The following CUBN variants were observed in gnomAD, a reference collection of about 807,000 sequenced individuals.
CUBN encodes the protein 460 kDa receptor.
A neutral mutation model predicts 405.3 loss-of-function variants in CUBN; 282 were observed. The ratio of observed to expected loss-of-function variants is 0.70; its 90% CI spans 0.63 to 0.77. The LOEUF (loss-of-function observed/expected upper bound fraction) is 0.77, where lower values mean the gene tolerates loss of function less well. CUBN is among the 30% of genes least tolerant of loss of function. CUBN has a pLI of 0.00. For missense variants in CUBN, 4,514 were observed against 4,475.2 expected (o/e 1.01, Z -0.25); for synonymous variants, 1,684 against 1,617.0 (o/e 1.04, Z -0.99).
intron 27 of CUBN, among the ~76,000 whole-genome samples, chr10:17,035,120 G>T (rs1834867869): frequency 6.6e-6 from 1 of 150,562 alleles, no homozygotes; most frequent in African/African-American, 2.4e-5. Flanking sequence ...ATTGAAAAAG[G>T]AAAGAACATT....
chr10:16,920,073 G>T lies in CUBN; in HGVS notation c.6711C>A (p.His2237Gln). 1 of 1,614,054 alleles carries T rather than the reference G, an allele frequency of 6.2e-7. No individual in the cohort carries two copies. ...CAGCGTGCGGGGGATAATTATGAGGGTGGTTGGGGGAGGTCACATACCCAG... is the reference window on the plus strand; with the variant it reads ...CAGCGTGCGGGGGATAATTATGAGGTTGGTTGGGGGAGGTCACATACCCAG... The part of the protein sequence containing the change: ...DSAGYVTSPN[H>Q]PHNYPPHADC... The change falls in exon 44 of 67, where the codon CAC becomes CAA. Residue 2237 changes from histidine (H) to glutamine (Q), a missense_variant. This residue lies in a region of CUBN where 1,613 missense variants were observed against 1,542.8 expected (regional missense o/e 1.05). Coordinates refer to ENST00000377833, the MANE Select transcript of CUBN (RefSeq NM_001081.4).
At chr10:17,083,245 C>G (rs551612989) in intron 17 of CUBN, among the ~76,000 whole-genome samples, 1 of 152,174 alleles carries the variant, frequency 6.6e-6, no homozygotes, top group African/African-American at 2.4e-5. Flanking sequence ...GTAGCTCATG[C>G]CTGTAATCCC....
At chr10:17,081,445 T>C (rs1462156203) in intron 17 of CUBN, among the ~76,000 whole-genome samples, 1 of 152,208 alleles carries the variant, frequency 6.6e-6, no homozygotes, top group African/African-American at 2.4e-5. Context: ...TCAACCCCCC[T>C]CTAAACCACC....
intron 45 of CUBN, among the ~76,000 whole-genome samples, chr10:16,917,661 A>G (rs936593885): frequency 6.6e-6 from 1 of 152,196 alleles, no homozygotes; most frequent in African/African-American, 2.4e-5. Flanking sequence ...TTTCTTCACA[A>G]ATAAGTTAGA....
chr10:16,997,834 T>C (rs1833778004), intron 28 of CUBN, among the ~76,000 whole-genome samples: 1 of 152,178 alleles, frequency 6.6e-6, no homozygotes, highest in Non-Finnish European at 1.5e-5. Flanking sequence ...TGTGGCCAAG[T>C]GATAGGCATC....
Position 17,084,452 on chromosome 10 carries a change from C to G in CUBN, c.2120G>C (p.Arg707Pro), listed in dbSNP as rs763524933. The G allele has an allele frequency of 6.2e-7, 1 of 1,613,190 alleles. No homozygotes were observed. The highest frequency in any genetic ancestry group is 8.5e-7 in the Non-Finnish European group (1 of 1,179,798). The change falls in exon 17 of 67, where the codon CGT becomes CCT. Residue 707 changes from arginine to proline, a missense_variant. Physicochemically the swap from Arg to Pro is moderately radical, Grantham distance 103. Around this residue, in one of 5 missense-constraint regions of CUBN, gnomAD observed 1,448 missense variants for 1,388.0 expected, o/e 1.04. Transcript: ENST00000377833. ...TGGGTCCGTGTAGTTCCCACCACAA[C>G]GCAGATCCGCTAAGAACAGGGAAGA... ...ITYLTSPSDL[R>P]CGGNYTDPEG...
chr10:16,873,146 T>C (rs770584817), intron 58 of CUBN, among the ~76,000 whole-genome samples: 4 of 152,190 alleles, frequency 2.6e-5, no homozygotes, highest in African/African-American at 7.2e-5. Flanking sequence ...TCTTAGCCCA[T>C]CAGGCTTCTG....
At chr10:17,113,895 A>T (rs746108271) in intron 8 of CUBN, 132 bp downstream of exon 8, 2 of 888,102 alleles carry the variant, frequency 2.3e-6, no homozygotes, top group Non-Finnish European at 3.7e-6. Context: ...CGTCGAGCAG[A>T]ACCAGGACAC....
chr10:17,124,116 G>T (rs953046574), intron 4 of CUBN, among the ~76,000 whole-genome samples: 2 of 152,150 alleles, frequency 1.3e-5, no homozygotes, highest in Admixed American at 6.5e-5. Flanking sequence ...TTGGTCCCTC[G>T]AGGTGAGCCT....
At chr10:16,854,938 CT>C (rs1267893694) in intron 59 of CUBN, among the ~76,000 whole-genome samples, 1 of 150,340 alleles carries the variant, frequency 6.7e-6, no homozygotes. Context: ...TCCTTCCTCC[CT>C]CCCTCCCTCC....
rs773298024 is a variant in CUBN at position 16,869,645 on chromosome 10, G to A, written c.9445C>T (p.Gln3149Ter). The change falls in exon 59 of 67, where the codon CAG becomes TAG. Residue 3149 changes from glutamine (Q) to a stop codon, truncating the protein, a stop_gained. Coordinates refer to ENST00000377833, the MANE Select transcript of CUBN (RefSeq NM_001081.4). LOFTEE classifies it high-confidence loss of function. ...TAKGWKMSFR[Q>*]TLGPQQGCGG... ...AGTCCAGAATTCTTACCCAATGTCT[G>A]CCGGAAAGACATCTTCCAGCCTTTT... 1.9e-5 allele frequency: 30 copies of A among 1,611,962 alleles called. No homozygotes were observed. Among genetic ancestry groups the A allele is most frequent in the Non-Finnish European group, 2.4e-5 (28 of 1,178,372 alleles).
At chr10:16,892,060 T>C (rs955194087) in intron 54 of CUBN, among the ~76,000 whole-genome samples, 2 of 152,158 alleles carry the variant, frequency 1.3e-5, no homozygotes, top group African/African-American at 4.8e-5. Context: ...CCCACAGCAA[T>C]AAAACATCAA....
intron 45 of CUBN, among the ~76,000 whole-genome samples, chr10:16,916,384 C>G (rs988165314): frequency 1.3e-5 from 2 of 152,202 alleles, no homozygotes; most frequent in Non-Finnish European, 2.9e-5. Context: ...ATAGGCTGAT[C>G]TGGCCTGCCT....
chr10:17,081,448 A>T (rs1835965484), intron 17 of CUBN, among the ~76,000 whole-genome samples: 1 of 152,122 alleles, frequency 6.6e-6, no homozygotes, highest in Non-Finnish European at 1.5e-5. Context: ...ACCCCCCTCT[A>T]AACCACCAAA....
intron 6 of CUBN, among the ~76,000 whole-genome samples, chr10:17,118,510 C>T (rs1267106932): frequency 3.3e-5 from 5 of 152,070 alleles, no homozygotes; most frequent in African/African-American, 9.7e-5. Context: ...GATCTCGGCT[C>T]ACTGCAACAT....
At chr10:16,975,400 T>C (rs1833061057) in intron 31 of CUBN, among the ~76,000 whole-genome samples, 1 of 152,194 alleles carries the variant, frequency 6.6e-6, no homozygotes, top group African/African-American at 2.4e-5. Context: ...AAAACCCTCC[T>C]CATGACCACA....
chr10:16,928,077 T>C, intron 41 of CUBN, 80 bp downstream of exon 41: 1 of 1,502,318 alleles, frequency 6.7e-7, no homozygotes, highest in South Asian at 1.1e-5. Flanking sequence ...CCCAAAAACA[T>C]TATATTAGGA....
Position 16,940,217 on chromosome 10 carries a change from G to T in CUBN, c.5363C>A (p.Ser1788Tyr). The change falls in exon 37 of 67, where the codon TCT becomes TAT. Residue 1788 changes from serine to tyrosine, a missense_variant. Physicochemically the swap from Ser to Tyr is moderately radical, Grantham distance 144 (BLOSUM62 -2). Transcript: ENST00000377833. ...LSFISFQLED[S>Y]QDCSRDFVEI... ...CACAAAATCTCTGCTGCAGTCCTGAGAGTCTTCCAACTGGAAAGATCTGAT... is the reference window on the plus strand; with the variant it reads ...CACAAAATCTCTGCTGCAGTCCTGATAGTCTTCCAACTGGAAAGATCTGAT... The T allele has an allele frequency of 1.2e-6, 2 of 1,614,068 alleles. No individual in the cohort carries two copies. The highest frequency in any genetic ancestry group is 1.3e-5 in the African/African-American group (1 of 75,042).
chr10:16,938,997 T>G lies in CUBN; in HGVS notation c.5699A>C (p.Glu1900Ala), dbSNP rs773915964. 1.2e-5 allele frequency: 19 copies of G among 1,613,800 alleles called. No homozygotes were observed. Among genetic ancestry groups the G allele is most frequent in the Non-Finnish European group, 1.5e-5 (18 of 1,179,870 alleles). The part of the protein sequence containing the change: ...VHGRILEMDI[E>A]EIQNCYYDKL... ...GTCATAATAGCAGTTTTGTATTTCT[T>G]CTATGTCCATCTCCAAGATTCTACC... Residue 1900 changes from glutamate to alanine, a missense_variant, in exon 38 of 67, where the codon GAA (glutamate) becomes GCA (alanine). By Grantham distance (107) the Glu-to-Ala change is moderately radical. Around this residue, in one of 5 missense-constraint regions of CUBN, gnomAD observed 1,613 missense variants for 1,542.8 expected, o/e 1.05. Transcript: ENST00000377833.
Sources: allele counts gnomAD v4.1 joint callset (sites outside exome capture counted in the v4.1 genomes callset), GRCh38; gene constraint gnomAD v4.1.1; regional missense constraint gnomAD v4.1.1; transcripts MANE v1.5; gene names NCBI Gene and HGNC (gene_info 2026-07-23, HGNC 2026-07-21).